MAMDC4: variants seen among roughly 807,000 people sequenced by gnomAD.
The protein encoded by MAMDC4 is MAM domain containing 4, also known as apical endosomal glycoprotein.
A neutral mutation model predicts 153.3 loss-of-function variants in MAMDC4; 168 were observed. That is an observed-to-expected ratio of 1.10 (90% CI 0.97 to 1.25). MAMDC4 has a LOEUF of 1.25. Among genes scored for constraint, MAMDC4 ranks in the 50% most tolerant of loss-of-function variants. MAMDC4 has a pLI of 0.00. For synonymous variants in MAMDC4, 744 were observed against 651.5 expected, an observed-to-expected ratio of 1.14 and a Z score of -2.16; for missense variants, 1,701 against 1,542.8, an observed-to-expected ratio of 1.10 and a Z score of -1.72.
intron 19 of MAMDC4, 46 bp from the exon 20 acceptor site, chr9:136,857,933 C>T: frequency 2.7e-6 from 4 of 1,471,726 alleles, no homozygotes; most frequent in Non-Finnish European, 2.7e-6. Flanking sequence ...CCAGGGCCTG[C>T]AGGTGCTCTC....
chr9:136,859,349 G>A lies in MAMDC4; in HGVS notation c.3193+32G>A. The A allele has an allele frequency of 2.5e-6, 4 of 1,578,840 alleles. No individual in the cohort carries two copies. The South Asian group carries it at 4.6e-5, about 18-fold the overall frequency. Reference sequence around the variant, plus strand: ...CCTGGGCTGCAGTGGAGGCACGGAGGAGGGCCCAAGGGGCCAGCCTGGCTC... The same window carrying A: ...CCTGGGCTGCAGTGGAGGCACGGAGAAGGGCCCAAGGGGCCAGCCTGGCTC... On this transcript the variant is annotated intron_variant, in intron 25 of 26. Transcript: ENST00000317446.
In MAMDC4 at chr9:136,854,798, C is replaced by T. The variant is rs1045220189; in HGVS notation, c.971C>T (p.Pro324Leu). Residue 324 changes from proline (P) to leucine (L), a missense_variant, in exon 9 of 27, where the codon CCT (proline) becomes CTT (leucine). Coordinates refer to ENST00000317446, the MANE Select transcript of MAMDC4 (RefSeq NM_206920.3). ...GTCTCCGTGGCCGAGCCTGGCACCC[C>T]TGCTATACTCTCCAGCCCCGAATTC... ...FLVSVAEPGT[P>L]AILSSPEFQA... is the part of the protein sequence containing the mutation. 14 of 1,612,754 alleles carry T rather than the reference C, an allele frequency of 8.7e-6. No individual in the cohort carries two copies. Among genetic ancestry groups the T allele is most frequent in the African/African-American group, 1.3e-5 (1 of 74,926 alleles).
chr9:136,860,190 T>A, intron 26 of MAMDC4, 126 bp downstream of exon 26: 2 of 1,129,398 alleles, frequency 1.8e-6, no homozygotes, highest in Non-Finnish European at 2.5e-6. Flanking sequence ...ATCCTTGCCC[T>A]CCCTGCCCTG....
rs576366053 is a variant in MAMDC4, at chr9:136,853,203, C to T, written c.148C>T (p.Gln50Ter). The T allele has an allele frequency of 6.2e-7, 1 of 1,612,734 alleles. No homozygotes were observed. The highest frequency in any genetic ancestry group is 1.3e-5 in the African/African-American group (1 of 75,034). The change falls in exon 2 of 27, where the codon CAG (glutamine) becomes TAG (stop). Residue 50 changes from glutamine to a stop codon, truncating the protein, a stop_gained. Transcript: ENST00000317446. LOFTEE classifies it high-confidence loss of function. ...CTGCAGGGACTGCTCAGATGAGGCCCAGTGTGGTGAGCCAAGACCAGATGG... is the reference window on the plus strand; with the variant it reads ...CTGCAGGGACTGCTCAGATGAGGCCTAGTGTGGTGAGCCAAGACCAGATGG... ...CDCRDCSDEAQCGYHGASPTL... is the reference protein window; with the variant it reads ...CDCRDCSDEA
In MAMDC4 at chr9:136,859,860, G is replaced by A. The variant is rs1207959143; in HGVS notation, c.3194-26G>A. The A allele has an allele frequency of 3.7e-6, 6 of 1,610,522 alleles. No homozygotes were observed. In the Admixed American group the frequency reaches 6.7e-5, roughly 18 times the overall value. On this transcript the variant is annotated intron_variant, in intron 25 of 26. Coordinates refer to ENST00000317446, the MANE Select transcript of MAMDC4 (RefSeq NM_206920.3). ...CCCAGATGTGGGGGCTGCTTTGGAG[G>A]GCTCACATGTCCCTATGGCCCACAG...
At chr9:136,854,444 T>C (rs1848973342) in intron 7 of MAMDC4, 95 bp from the exon 8 acceptor site, 1 of 1,516,774 alleles carries the variant, frequency 6.6e-7, no homozygotes, top group African/African-American at 1.4e-5. Context: ...ATGGTCCTTC[T>C]TGGGGTGTGG....
In MAMDC4 at chr9:136,860,165, A is replaced by C. The variant is rs879726608; in HGVS notation, c.3372+101A>C. On this transcript the variant is annotated intron_variant, in intron 26 of 26. Transcript: ENST00000317446. ...CACAACCCCCCGGGGAGGAGCCCCC[A>C]CCTGTGCAAGGCCCATCCTTGCCCT... The C allele has an allele frequency of 9.7e-3, 12,963 of 1,334,478 alleles. 86 individuals carry two copies. Among genetic ancestry groups the C allele is most frequent in the Non-Finnish European group, 0.011 (11,259 of 990,872 alleles). The allele number at this position is 1,334,478 out of a possible 1,614,324, so 82.7% of individuals were successfully genotyped here.
chr9:136,854,990 C>G lies in MAMDC4; in HGVS notation c.1077C>G (p.Phe359Leu). The G allele has an allele frequency of 6.2e-7, 1 of 1,604,314 alleles. No individual in the cohort carries two copies. The highest frequency in any genetic ancestry group is 8.5e-7 in the Non-Finnish European group (1 of 1,176,978). Reference protein sequence around the residue: ...SGSEAGCLQLFLQTLGPGAPR... With the variant: ...SGSEAGCLQLLLQTLGPGAPR... The stretch of plus-strand genomic sequence containing the variant: ...CTGAGGCTGGCTGCCTCCAGCTGTT[C>G]CTGCAGACTCTGGGGCCCGGCGCCC... Residue 359 changes from phenylalanine (F) to leucine (L), a missense_variant, in exon 10 of 27, where the codon TTC becomes TTG. Phe to Leu is a conservative substitution (Grantham distance 22). Coordinates refer to ENST00000317446, the MANE Select transcript of MAMDC4 (RefSeq NM_206920.3).
In MAMDC4 at chr9:136,854,650, G is replaced by C; in HGVS notation, c.908G>C (p.Arg303Pro). 7.5e-6 allele frequency: 12 copies of C among 1,610,030 alleles called. No homozygotes were observed. The highest frequency in any genetic ancestry group is 1.0e-5 in the Non-Finnish European group (12 of 1,178,906). The change falls in exon 8 of 27, where the codon CGT becomes CCT. Residue 303 changes from arginine to proline, a missense_variant. Transcript: ENST00000317446. ...CCTGAGCGCCCCTCCTGGCCACGCC[G>C]TGACCACAGCCGGAACAGTGCACAG... ...GGPERPSWPR[R>P]DHSRNSAQGS...
chr9:136,858,205 C>T lies in MAMDC4; in HGVS notation c.2603C>T (p.Ala868Val), dbSNP rs1849035464. Residue 868 changes from alanine (A) to valine (V), a missense_variant, in exon 21 of 27, where the codon GCC becomes GTC. Coordinates refer to ENST00000317446, the MANE Select transcript of MAMDC4 (RefSeq NM_206920.3). ...CGCCAGGTGGTGTTTGAGGCAGTGG[C>T]CGCAGGCGTGGCACACTCCTACGTG... Reference protein sequence around the residue: ...RAWRVVFEAVAAGVAHSYVAL... With the variant: ...RAWRVVFEAVVAGVAHSYVAL... 2 of 1,595,268 alleles carry T rather than the reference C, an allele frequency of 1.3e-6. No individual in the cohort carries two copies. Among genetic ancestry groups the T allele is most frequent in the Non-Finnish European group, 1.7e-6 (2 of 1,175,362 alleles).
chr9:136,859,833 GC>G, intron 25 of MAMDC4, 52 bp from the exon 26 acceptor site: 1 of 1,595,978 alleles, frequency 6.3e-7, no homozygotes, highest in Non-Finnish European at 8.5e-7. Flanking sequence ...TTCCTCCTTA[GC>G]CCCAGATGTG....
Position 136,855,068 on chromosome 9 carries a change from GGTCCGAGACCGT to G in MAMDC4, c.1158_1169del (p.Arg387_Val390del). 1 of 1,600,738 alleles carries G rather than the reference GGTCCGAGACCGT, an allele frequency of 6.2e-7. No homozygotes were observed. The highest frequency in any genetic ancestry group is 1.1e-5 in the South Asian group (1 of 90,218). ...GCCGAGGGGAGCTGGGGACCGCCTGGGTCCGAGACCGTGTTGACATCCAGAGCGCCTACCCCT... is the reference window on the plus strand; with the variant it reads ...GCCGAGGGGAGCTGGGGACCGCCTGGGTTGACATCCAGAGCGCCTACCCCT... On this transcript the variant is annotated inframe_deletion, in exon 10 of 27. Transcript: ENST00000317446.
chr9:136,853,123 G>A lies in MAMDC4; in HGVS notation c.68G>A (p.Trp23Ter). Residue 23 changes from tryptophan (W) to a stop codon, truncating the protein, a stop_gained, in exon 2 of 27, where the codon TGG becomes TAG. Coordinates refer to ENST00000317446, the MANE Select transcript of MAMDC4 (RefSeq NM_206920.3). LOFTEE classifies it high-confidence loss of function. Reference protein sequence around the residue: ...LFLAGSSGWAWVPNHCRSPGQ... With the variant: ...LFLAGSSGWA ...GCAGCAGGGTCCTCAGGCTGGGCCTGGGTCCCCAACCACTGCAGGAGCCCT... is the reference window on the plus strand; with the variant it reads ...GCAGCAGGGTCCTCAGGCTGGGCCTAGGTCCCCAACCACTGCAGGAGCCCT... 2 of 1,612,638 alleles carry A rather than the reference G, an allele frequency of 1.2e-6. No homozygotes were observed. Among genetic ancestry groups the A allele is most frequent in the Non-Finnish European group, 1.7e-6 (2 of 1,179,894 alleles).
Position 136,855,357 on chromosome 9 carries a change from C to A in MAMDC4, c.1282+19C>A. 1 of 1,600,338 alleles carries A rather than the reference C, an allele frequency of 6.2e-7. No homozygotes were observed. The highest frequency in any genetic ancestry group is 8.5e-7 in the Non-Finnish European group (1 of 1,172,770). On this transcript the variant is annotated intron_variant, in intron 11 of 26. Coordinates refer to ENST00000317446, the MANE Select transcript of MAMDC4 (RefSeq NM_206920.3). Reference sequence around the variant, plus strand: ...GTCTCGGGTGAGCCTGCTGACTCTGCCCTACCCTGCCTTGCCCTGGAGAGG... The same window carrying A: ...GTCTCGGGTGAGCCTGCTGACTCTGACCTACCCTGCCTTGCCCTGGAGAGG...
Position 136,860,757 on chromosome 9 carries a change from G to T in MAMDC4, c.*154G>T. ...GCGTTCCCTGCCCTGTGCTGACTCT[G>T]TTGCTCTGTGAATAAACACCCTGGC... is the stretch of plus-strand genomic sequence containing the variant. On this transcript the variant is annotated 3_prime_UTR_variant, in exon 27 of 27. Transcript: ENST00000317446. 2 of 751,158 alleles carry T rather than the reference G, an allele frequency of 2.7e-6. No individual in the cohort carries two copies. Among genetic ancestry groups the T allele is most frequent in the Non-Finnish European group, 2.2e-6 (1 of 463,418 alleles). 46.5% of individuals were successfully genotyped at this position (751,158 alleles called of 1,614,324 possible).
chr9:136,856,866 G>C (rs1849013089), intron 15 of MAMDC4, 40 bp downstream of exon 15: 1 of 1,612,398 alleles, frequency 6.2e-7, no homozygotes, highest in Non-Finnish European at 8.5e-7. Context: ...TTTCAGACGA[G>C]AGTGGGGCAT....
In MAMDC4 at chr9:136,854,779, G is replaced by A. The variant is rs771313012; in HGVS notation, c.952G>A (p.Val318Met). ...TCCCGCAGGCTCCTTCCTGGTCTCC[G>A]TGGCCGAGCCTGGCACCCCTGCTAT... ...NSAQGSFLVSVAEPGTPAILS... is the reference protein window; with the variant it reads ...NSAQGSFLVSMAEPGTPAILS... Residue 318 changes from valine to methionine, a missense_variant, in exon 9 of 27, where the codon GTG (valine) becomes ATG (methionine). Coordinates refer to ENST00000317446, the MANE Select transcript of MAMDC4 (RefSeq NM_206920.3). 6.8e-6 allele frequency: 11 copies of A among 1,612,778 alleles called. No individual in the cohort carries two copies. In the Admixed American group the frequency reaches 8.3e-5, roughly 12 times the overall value.
chr9:136,855,773 G>A lies in MAMDC4; in HGVS notation c.1513G>A (p.Asp505Asn), dbSNP rs1173055009. Residue 505 changes from aspartate (D) to asparagine (N), a missense_variant, in exon 13 of 27, where the codon GAC becomes AAC. Physicochemically the swap from Asp to Asn is conservative, Grantham distance 23. Coordinates refer to ENST00000317446, the MANE Select transcript of MAMDC4 (RefSeq NM_206920.3). ...FESPEAGGWEDASVGRLQWRR... is the reference protein window; with the variant it reads ...FESPEAGGWENASVGRLQWRR... Reference sequence around the variant, plus strand: ...GTCCCCCGAGGCTGGGGGCTGGGAGGACGCCAGCGTGGGGCGGCTGCAGTG... The same window carrying A: ...GTCCCCCGAGGCTGGGGGCTGGGAGAACGCCAGCGTGGGGCGGCTGCAGTG... 1.9e-6 allele frequency: 3 copies of A among 1,565,970 alleles called. No homozygotes were observed. The highest frequency in any genetic ancestry group is 2.6e-6 in the Non-Finnish European group (3 of 1,156,454).
In MAMDC4 at chr9:136,858,008, G is replaced by A. The variant is rs959421849; in HGVS notation, c.2494G>A (p.Gly832Arg). 2.8e-5 allele frequency: 42 copies of A among 1,524,200 alleles called. No individual in the cohort carries two copies. Among genetic ancestry groups the A allele is most frequent in the South Asian group, 3.6e-5 (3 of 83,338 alleles). 94.4% of individuals were successfully genotyped at this position (1,524,200 alleles called of 1,614,324 possible). A position where few individuals can be genotyped will look rare whatever the true frequency, so the allele number is the denominator to read the frequency against. The part of the protein sequence containing the change: ...GTLRVYLEER[G>R]RHQVLSLSAH... ...CCTGCGGGTCTACCTGGAGGAGCGC[G>A]GGAGGCACCAGGTGCTCAGCCTCAG... The change falls in exon 20 of 27, where the codon GGG (glycine) becomes AGG (arginine). Residue 832 changes from glycine to arginine, a missense_variant. Gly to Arg is a moderately radical substitution (Grantham distance 125, BLOSUM62 -2). Coordinates refer to ENST00000317446, the MANE Select transcript of MAMDC4 (RefSeq NM_206920.3).
Sources: allele counts gnomAD v4.1 joint callset, GRCh38; gene constraint gnomAD v4.1.1; transcripts MANE v1.5; gene names NCBI Gene and HGNC (gene_info 2026-07-23, HGNC 2026-07-21).